Variants in KCNQ5 observed in about 807,000 individuals in gnomAD.
KCNQ5 encodes potassium voltage-gated channel subfamily KQT member 5.
Under a neutral mutation model 98.2 loss-of-function variants are expected in KCNQ5, and 30 were observed. The observed-to-expected ratio is 0.31, with a 90% CI of 0.23 to 0.41. The LOEUF (loss-of-function observed/expected upper bound fraction) is 0.41, where lower values mean the gene tolerates loss of function less well. KCNQ5 is among the 10% of genes least tolerant of loss of function. The pLI is 1.00. For missense variants in KCNQ5, 835 were observed against 1,182.5 expected (o/e 0.71, Z 4.31); for synonymous variants, 458 against 449.4 (o/e 1.02, Z -0.24).
At chr6:73,192,946 C>T (rs1483366352) in intron 13 of KCNQ5, among the ~76,000 whole-genome samples, 2 of 151,264 alleles carry the variant, frequency 1.3e-5, no homozygotes, top group Non-Finnish European at 1.5e-5. Flanking sequence ...AGTTGAAAAT[C>T]GTTTAAAAAT....
intron 1 of KCNQ5, among the ~76,000 whole-genome samples, chr6:72,660,833 T>C (rs1481126949): frequency 6.6e-6 from 1 of 152,184 alleles, no homozygotes; most frequent in East Asian, 1.9e-4. Context: ...TGAATGTAAT[T>C]GTAGATAAAG....
chr6:73,002,476 T>C (rs573931938), intron 1 of KCNQ5, among the ~76,000 whole-genome samples: 44 of 152,280 alleles, frequency 2.9e-4, no homozygotes, highest in African/African-American at 1.0e-3. Flanking sequence ...GGGGATAACA[T>C]AGAGATAATT....
chr6:72,850,101 T>G (rs1471052625), intron 1 of KCNQ5, among the ~76,000 whole-genome samples: 1 of 152,168 alleles, frequency 6.6e-6, no homozygotes, highest in Non-Finnish European at 1.5e-5. Context: ...TATTAGGGTC[T>G]TCTTTTACCC....
intron 1 of KCNQ5, among the ~76,000 whole-genome samples, chr6:72,699,501 T>A (rs1768686278): frequency 6.6e-6 from 1 of 152,158 alleles, no homozygotes; most frequent in African/African-American, 2.4e-5. Context: ...AAGTCTAATG[T>A]TTTTTCTTAC....
intron 5 of KCNQ5, among the ~76,000 whole-genome samples, chr6:73,092,224 A>G (rs964781052): frequency 2.0e-5 from 3 of 151,956 alleles, no homozygotes; most frequent in African/African-American, 7.3e-5. Context: ...GTGTATGTGA[A>G]TTTTATATCC....
At chr6:72,714,746 A>G (rs1769553898) in intron 1 of KCNQ5, among the ~76,000 whole-genome samples, 1 of 152,202 alleles carries the variant, frequency 6.6e-6, no homozygotes, top group African/African-American at 2.4e-5. Flanking sequence ...GTCAGTTTCT[A>G]AATGATAACT....
At chr6:72,786,525 A>G (rs930222876) in intron 1 of KCNQ5, among the ~76,000 whole-genome samples, 1 of 152,210 alleles carries the variant, frequency 6.6e-6, no homozygotes, top group Non-Finnish European at 1.5e-5. Context: ...CTCATTGAGG[A>G]AAGGTAGTGG....
At chr6:72,741,377 A>G (rs1358542183) in intron 1 of KCNQ5, among the ~76,000 whole-genome samples, 2 of 152,154 alleles carry the variant, frequency 1.3e-5, no homozygotes, top group Non-Finnish European at 1.5e-5. Context: ...GCCAGCCTGT[A>G]AGAGAGTCCC....
At chr6:72,730,760 C>CT (rs1460193242) in intron 1 of KCNQ5, among the ~76,000 whole-genome samples, 1 of 151,850 alleles carries the variant, frequency 6.6e-6, no homozygotes, top group Non-Finnish European at 1.5e-5. Flanking sequence ...CTTCATTACA[C>CT]TTTTTTCAGA....
intron 1 of KCNQ5, among the ~76,000 whole-genome samples, chr6:72,647,259 G>A (rs1324228937): frequency 6.6e-6 from 1 of 152,122 alleles, no homozygotes; most frequent in African/African-American, 2.4e-5. Context: ...GGAGAAATGG[G>A]ATGAAAAAAA....
chr6:72,694,327 G>C (rs1768373589), intron 1 of KCNQ5, among the ~76,000 whole-genome samples: 1 of 152,178 alleles, frequency 6.6e-6, no homozygotes, highest in Non-Finnish European at 1.5e-5. Flanking sequence ...TTGGTCTGCA[G>C]ATAAACTAGC....
chr6:73,160,758 C>A (rs140771795), intron 10 of KCNQ5, among the ~76,000 whole-genome samples: 131 of 152,284 alleles, frequency 8.6e-4, no homozygotes, highest in Non-Finnish European at 1.5e-3. Context: ...TACCTACAAC[C>A]AGTGGTCTTT....
intron 1 of KCNQ5, among the ~76,000 whole-genome samples, chr6:72,829,449 TTCTC>T (rs10647361): frequency 2.0e-5 from 3 of 151,376 alleles, no homozygotes; most frequent in Middle Eastern, 3.4e-3. Flanking sequence ...TCCTCTTCTC[TTCTC>T]TCTCTCTCCT....
intron 1 of KCNQ5, among the ~76,000 whole-genome samples, chr6:72,963,019 T>C (rs1290756568): frequency 6.6e-6 from 1 of 152,214 alleles, no homozygotes; most frequent in Non-Finnish European, 1.5e-5. Context: ...CTAATGTTTA[T>C]AAGCTGAAAG....
intron 1 of KCNQ5, among the ~76,000 whole-genome samples, chr6:72,637,149 TA>T (rs1278363339): frequency 1.3e-5 from 2 of 152,178 alleles, no homozygotes; most frequent in Non-Finnish European, 2.9e-5. Context: ...CAAAGTATTT[TA>T]AAAAATAAGA....
chr6:73,198,796 T>A lies in KCNQ5; in HGVS notation c.*3382T>A, dbSNP rs748545918. The A allele has an allele frequency of 6.6e-6, 1 of 152,228 alleles. No individual in the cohort carries two copies. The highest frequency in any genetic ancestry group is 1.5e-5 in the Non-Finnish European group (1 of 68,040). The allele number at this position is 152,228 out of a possible 1,614,324, so 9.4% of individuals were successfully genotyped here. On this transcript the variant is annotated 3_prime_UTR_variant, in exon 14 of 14. Coordinates refer to ENST00000370398, the MANE Select transcript of KCNQ5 (RefSeq NM_019842.4). ...ATCATTAAAGTGTAATTTCCTTTGC[T>A]CTCTTTTACTGGGATTATTTGTTTT...
chr6:72,736,743 C>T (rs540150059), intron 1 of KCNQ5, among the ~76,000 whole-genome samples: 1 of 151,768 alleles, frequency 6.6e-6, no homozygotes, highest in East Asian at 1.9e-4. Context: ...TCGTGATCCG[C>T]CCGCCTCGGC....
intron 1 of KCNQ5, among the ~76,000 whole-genome samples, chr6:72,723,583 G>A (rs1009281303): frequency 6.6e-6 from 1 of 152,178 alleles, no homozygotes; most frequent in African/African-American, 2.4e-5. Flanking sequence ...ATGTATGCAA[G>A]AAACACATAA....
At chr6:73,180,100 C>T (rs900452247) in intron 11 of KCNQ5, among the ~76,000 whole-genome samples, 1 of 152,202 alleles carries the variant, frequency 6.6e-6, no homozygotes, top group African/African-American at 2.4e-5. Context: ...GAGCTCCAAG[C>T]TCTGGACAAA....
Sources: gnomAD v4.1 joint callset for allele counts (sites outside exome capture counted in the v4.1 genomes callset) on GRCh38, gnomAD v4.1.1 for gene constraint, MANE v1.5 for transcripts, NCBI Gene and HGNC (gene_info 2026-07-23, HGNC 2026-07-21) for gene names.